Variants in TMPRSS7 observed in about 807,000 individuals in gnomAD.
The protein encoded by TMPRSS7 is transmembrane protease serine 7.
In TMPRSS7, 81 loss-of-function variants were observed where a neutral mutation model predicts 95.6. The observed-to-expected ratio is 0.85, with a 90% CI of 0.71 to 1.02. The LOEUF is 1.02. Among genes scored for constraint, TMPRSS7 ranks in the 50% least tolerant of loss-of-function variants. The pLI is 0.00. For synonymous variants in TMPRSS7, 364 were observed against 337.8 expected (o/e 1.08, Z -0.85); for missense variants, 945 against 955.2 (o/e 0.99, Z 0.14).
Position 112,038,088 on chromosome 3 carries a change from T to C in TMPRSS7, c.65T>C (p.Val22Ala), listed in dbSNP as rs1281731193. 5.7e-6 allele frequency: 4 copies of C among 702,522 alleles called. No individual in the cohort carries two copies. The Admixed American group carries it at 6.0e-5, about 11-fold the overall frequency. 43.5% of individuals were successfully genotyped at this position (702,522 alleles called of 1,614,324 possible). A position where few individuals can be genotyped will look rare whatever the true frequency, so the allele number is the denominator to read the frequency against. ...TTTTTGAAGATATCCAATATCTCAG[T>C]CCAAGTGGTCAGTGCCCAAAAGAAG... Residue 22 changes from valine (V) to alanine (A), a missense_variant, in exon 2 of 18, where the codon GTC (valine) becomes GCC (alanine). By Grantham distance (64) the Val-to-Ala change is moderately conservative. Coordinates refer to ENST00000452346, the Ensembl canonical transcript of TMPRSS7.
intron 9 of TMPRSS7, among the ~76,000 whole-genome samples, chr3:112,053,135 A>C (rs1380595401): frequency 6.6e-6 from 1 of 151,412 alleles, no homozygotes; most frequent in Non-Finnish European, 1.5e-5. Flanking sequence ...AATGGAAATC[A>C]GTGTAAAATT....
intron 13 of TMPRSS7, among the ~76,000 whole-genome samples, chr3:112,067,196 A>G (rs547097165): frequency 5.3e-5 from 8 of 152,292 alleles, no homozygotes; most frequent in African/African-American, 1.9e-4. Flanking sequence ...TCTCTGGTGT[A>G]TATGTGCCAC....
chr3:112,078,826 C>T lies in TMPRSS7; in HGVS notation c.2309C>T (p.Thr770Ile), dbSNP rs748141819. 15 of 1,614,172 alleles carry T rather than the reference C, an allele frequency of 9.3e-6. No individual in the cohort carries two copies. The South Asian group carries it at 1.2e-4, about 13-fold the overall frequency. ...TGTGTTTCCACCTACGGGATCATCA[C>T]TTCTCGGATGCTCTGTGCAGGCATA... The change falls in exon 17 of 18, where the codon ACT becomes ATT. Residue 770 changes from threonine (T) to isoleucine (I), a missense_variant. Physicochemically the swap from Thr to Ile is moderately conservative, Grantham distance 89. Transcript: ENST00000452346.
intron 8 of TMPRSS7, 107 bp downstream of exon 8, chr3:112,050,081 G>T: frequency 1.8e-6 from 2 of 1,135,536 alleles, no homozygotes; most frequent in Non-Finnish European, 2.4e-6. Flanking sequence ...TATTAGTCTG[G>T]GACTCTGAAT....
chr3:112,037,936 G>T, intron 1 of TMPRSS7, 136 bp from the exon 2 acceptor site: 1 of 603,096 alleles, frequency 1.7e-6, no homozygotes, highest in Non-Finnish European at 2.9e-6. Context: ...TAAATAATTT[G>T]ATATACTTAC....
intron 3 of TMPRSS7, among the ~76,000 whole-genome samples, chr3:112,043,216 C>T (rs970446075): frequency 1.3e-5 from 2 of 152,148 alleles, no homozygotes; most frequent in African/African-American, 4.8e-5. Context: ...TAGCCTACTG[C>T]TCCTAAGCCA....
intron 13 of TMPRSS7, among the ~76,000 whole-genome samples, chr3:112,070,146 G>A (rs2073624932): frequency 6.6e-6 from 1 of 152,198 alleles, no homozygotes; most frequent in South Asian, 2.1e-4. Flanking sequence ...TTTTGAATGA[G>A]TTTTTTAATC....
At chr3:112,057,072 A>C (rs1559957843) in exon 10 of TMPRSS7, 2 of 1,613,552 alleles carry the variant, frequency 1.2e-6, no homozygotes, top group East Asian at 2.2e-5. Flanking sequence ...ATAACTATTC[A>C]ATAACCAAGA....
At chr3:112,080,951 G>A (rs1489094481) in exon 18 of TMPRSS7, 2 of 1,613,830 alleles carry the variant, frequency 1.2e-6, no homozygotes, top group Admixed American at 3.3e-5. Flanking sequence ...CGAAGAAAAA[G>A]TGATGGAAAA....
Position 112,076,920 on chromosome 3 carries a change from T to C in TMPRSS7, c.2000T>C (p.Val667Ala), listed in dbSNP as rs758516103. ...TGGACTGCACACCTCGGGATGTATG[T>C]TCAGGGGAATGCCAAGTTTGTCTCC... is the stretch of plus-strand genomic sequence containing the variant. Residue 667 changes from valine (V) to alanine (A), a missense_variant, in exon 16 of 18, where the codon GTT becomes GCT. Transcript: ENST00000452346. 1.9e-6 allele frequency: 3 copies of C among 1,614,250 alleles called. No homozygotes were observed. In the East Asian group the frequency reaches 6.7e-5, roughly 36 times the overall value.
chr3:112,035,677 G>A (rs1336611801), intron 1 of TMPRSS7, among the ~76,000 whole-genome samples: 2 of 152,208 alleles, frequency 1.3e-5, no homozygotes, highest in African/African-American at 2.4e-5. Flanking sequence ...CGTCTCTGGA[G>A]TTTAGTTACC....
At chr3:112,041,528 C>T (rs2073208674) in intron 2 of TMPRSS7, among the ~76,000 whole-genome samples, 1 of 152,074 alleles carries the variant, frequency 6.6e-6, no homozygotes, top group Non-Finnish European at 1.5e-5. Context: ...CAAAGCTAAG[C>T]CAGGCACTCC....
rs1326840881 is a variant in TMPRSS7 at position 112,045,858 on chromosome 3, C to T, written c.606C>T (p.Asp202=). The T allele has an allele frequency of 2.6e-6, 4 of 1,551,760 alleles. No homozygotes were observed. The Admixed American group carries it at 5.9e-5, about 23-fold the overall frequency. ...ACTGTGTTGCCGCCATCTTGAAGGA[C>T]TCCATCCAGACAAGCATCATAAACC... is the stretch of plus-strand genomic sequence containing the variant. Residue 202 remains aspartate, a synonymous_variant, in exon 5 of 18, where the codon GAC becomes GAT. Coordinates refer to ENST00000452346, the Ensembl canonical transcript of TMPRSS7.
At chr3:112,077,136 A>G in exon 16 of TMPRSS7, 1 of 1,613,950 alleles carries the variant, frequency 6.2e-7, no homozygotes, top group Non-Finnish European at 8.5e-7. Flanking sequence ...GGGCGAAGAC[A>G]CGAAGCAGGT....
At chr3:112,060,165 C>A (rs1055976165) in intron 10 of TMPRSS7, among the ~76,000 whole-genome samples, 3 of 152,070 alleles carry the variant, frequency 2.0e-5, no homozygotes, top group Non-Finnish European at 4.4e-5. Flanking sequence ...GGGTGTGGGT[C>A]ACAGAGATCA....
intron 2 of TMPRSS7, among the ~76,000 whole-genome samples, chr3:112,041,102 G>C (rs1241757658): frequency 1.3e-5 from 2 of 149,824 alleles, no homozygotes; most frequent in South Asian, 2.1e-4. Context: ...AATCTAGGAC[G>C]CACTTCCCTG....
chr3:112,065,559 T>G (rs2073566286), intron 12 of TMPRSS7, among the ~76,000 whole-genome samples: 1 of 152,224 alleles, frequency 6.6e-6, no homozygotes, highest in Non-Finnish European at 1.5e-5. Context: ...TGGTAATCAT[T>G]ATTCCTCATT....
At chr3:112,075,593 A>G in intron 15 of TMPRSS7, 101 bp downstream of exon 15, 2 of 1,046,890 alleles carry the variant, frequency 1.9e-6, no homozygotes, top group Middle Eastern at 3.6e-4. Flanking sequence ...GGGACATTCA[A>G]TCAATTCAAT....
At chr3:112,070,288 A>G (rs1047680445) in intron 13 of TMPRSS7, among the ~76,000 whole-genome samples, 14 of 152,336 alleles carry the variant, frequency 9.2e-5, no homozygotes, top group South Asian at 6.2e-4. Context: ...TGTGGTGCTG[A>G]TAAGAATGTA....
Sources: allele counts gnomAD v4.1 joint callset (sites outside exome capture counted in the v4.1 genomes callset), GRCh38; gene constraint gnomAD v4.1.1; transcripts MANE v1.5; gene names NCBI Gene and HGNC (gene_info 2026-07-23, HGNC 2026-07-21).